Variants in PIGN observed in about 807,000 individuals in gnomAD.
PIGN encodes the protein phosphatidylinositol glycan anchor biosynthesis class N.
In PIGN, 117 loss-of-function variants were observed where a neutral mutation model predicts 125.4. The observed-to-expected ratio is 0.93, with a 90% CI of 0.80 to 1.09. The LOEUF is 1.09. PIGN is among the 50% of genes least tolerant of loss of function. The pLI is 0.00. For missense variants in PIGN, 1,075 were observed against 1,094.9 expected, an observed-to-expected ratio of 0.98 and a Z score of 0.26; for synonymous variants, 392 against 377.8, an observed-to-expected ratio of 1.04 and a Z score of -0.44.
chr18:62,091,548 A>G (rs73452746), intron 23 of PIGN, among the ~76,000 whole-genome samples: 1,556 of 152,338 alleles, frequency 0.01, 22 homozygotes, highest in East Asian at 0.053. Flanking sequence ...CATTATAAAG[A>G]TATCTGTTGT....
At chr18:62,055,957 G>C (rs913659948) in intron 30 of PIGN, among the ~76,000 whole-genome samples, 2 of 147,894 alleles carry the variant, frequency 1.4e-5, no homozygotes, top group Non-Finnish European at 3.0e-5. Context: ...TTTATAATTA[G>C]AAGAAATGAT....
chr18:62,184,541 T>A (rs2037829293), intron 1 of PIGN: 1 of 152,190 alleles, frequency 6.6e-6, no homozygotes, highest in Non-Finnish European at 1.5e-5. Context: ...GGGCAGTTGA[T>A]TTCTAATGGG....
chr18:62,081,601 T>G (rs2033451788), intron 28 of PIGN, among the ~76,000 whole-genome samples: 2 of 152,114 alleles, frequency 1.3e-5, no homozygotes, highest in Admixed American at 1.3e-4. Flanking sequence ...ACACATACAT[T>G]TTGATGAGCC....
intron 23 of PIGN, among the ~76,000 whole-genome samples, chr18:62,024,347 C>G (rs4940543): frequency 0.44 from 66,769 of 151,922 alleles, 16,501 homozygotes; most frequent in African/African-American, 0.67. Context: ...GAAAGAGACA[C>G]GGTGCACAGT....
At chr18:62,137,559 C>T (rs1045156594) in intron 14 of PIGN, 1 of 154,376 alleles carries the variant, frequency 6.5e-6, no homozygotes, top group African/African-American at 2.4e-5. Flanking sequence ...GCCTCAGCCA[C>T]CCGAGTAGCT....
At chr18:62,112,089 CCT>C (rs910539763) in intron 16 of PIGN, among the ~76,000 whole-genome samples, 3 of 152,112 alleles carry the variant, frequency 2.0e-5, no homozygotes, top group African/African-American at 7.2e-5. Flanking sequence ...GCTTCAGCTT[CCT>C]TTTTTGCAAA....
chr18:62,135,954 T>G (rs1490004262), intron 14 of PIGN: 1 of 152,192 alleles, frequency 6.6e-6, no homozygotes, highest in Non-Finnish European at 1.5e-5. Flanking sequence ...CCTTATTCAC[T>G]TCTTCATTTG....
intron 21 of PIGN, 108 bp downstream of exon 21, chr18:62,102,686 C>T (rs145732170): frequency 2.2e-5 from 12 of 548,024 alleles, no homozygotes; most frequent in Middle Eastern, 5.7e-4. Context: ...CTGGCAGATA[C>T]TAAGTAGCAT....
In PIGN at chr18:62,137,006, G is replaced by A. The variant is rs2035957391; in HGVS notation, c.1172+1237C>T. 1.5e-5 allele frequency: 6 copies of A among 398,218 alleles called. No homozygotes were observed. The East Asian group carries it at 1.8e-4, about 12-fold the overall frequency. The allele number at this position is 398,218 out of a possible 1,614,324, so 24.7% of individuals were successfully genotyped here. A position where few individuals can be genotyped will look rare whatever the true frequency, so the allele number is the denominator to read the frequency against. ...TGAAGGATGTAAAGTATTGTTCCTGGGTATGTCTGTGACATTGTTGCCAAA... is the reference window on the plus strand; with the variant it reads ...TGAAGGATGTAAAGTATTGTTCCTGAGTATGTCTGTGACATTGTTGCCAAA... On this transcript the variant is annotated intron_variant, in intron 14 of 30. Transcript: ENST00000640252.
At chr18:62,159,171 G>A (rs1366155751) in intron 4 of PIGN, among the ~76,000 whole-genome samples, 1 of 152,172 alleles carries the variant, frequency 6.6e-6, no homozygotes, top group Non-Finnish European at 1.5e-5. Context: ...TTGAACCTGG[G>A]AGGCAGATGT....
intron 29 of PIGN, 62 bp downstream of exon 29, chr18:62,074,717 C>G: frequency 3.8e-6 from 4 of 1,065,870 alleles, no homozygotes; most frequent in Non-Finnish European, 5.6e-6. Context: ...TCATATTTCT[C>G]TTTATTAAAT....
At chr18:62,156,319 T>C (rs892801816) in intron 6 of PIGN, among the ~76,000 whole-genome samples, 2 of 152,166 alleles carry the variant, frequency 1.3e-5, no homozygotes, top group Non-Finnish European at 2.9e-5. Context: ...ATTATAACTA[T>C]ATATTTTAAC....
chr18:62,094,061 T>C (rs1163071089), intron 23 of PIGN, among the ~76,000 whole-genome samples: 1 of 152,122 alleles, frequency 6.6e-6, no homozygotes, highest in East Asian at 1.9e-4. Flanking sequence ...TTAAAATAAG[T>C]TATGATTATG....
At chr18:62,072,799 A>C (rs1035838724) in intron 29 of PIGN, 74 bp from the exon 30 acceptor site, 66 of 1,126,780 alleles carry the variant, frequency 5.9e-5, no homozygotes, top group Non-Finnish European at 8.0e-5. Context: ...CTATTTTAGG[A>C]CTGTATGTTT....
In PIGN at chr18:62,067,298, T is replaced by C. The variant is rs571059965; in HGVS notation, c.2672+5375A>G. 5.3e-5 allele frequency among the ~76,000 whole-genome samples: 8 copies of C among 152,366 alleles called. 1 individual carries two copies. In the South Asian group the frequency reaches 1.2e-3, roughly 24 times the overall value. ...ACTAGGCTCCACTCATTTCAACTTT[T>C]AGTTTTTCTATTTTTCCTTATGAAT... On this transcript the variant is annotated intron_variant, in intron 30 of 30. Coordinates refer to ENST00000640252, the MANE Select transcript of PIGN (RefSeq NM_176787.5).
At chr18:62,083,348 T>C (rs993351921) in intron 27 of PIGN, among the ~76,000 whole-genome samples, 1 of 152,270 alleles carries the variant, frequency 6.6e-6, no homozygotes, top group South Asian at 2.1e-4. Flanking sequence ...ATACTGTTAA[T>C]ATCTTGAGGT....
At position 62,156,282 on chromosome 18, in the gene PIGN, T is replaced by C. The variant is rs563055114; in HGVS notation, c.442+847A>G. ...CATATATATCAAATGCCAGAATATATGGCATCTTCGATGTATTAAAACAGG... is the reference window on the plus strand; with the variant it reads ...CATATATATCAAATGCCAGAATATACGGCATCTTCGATGTATTAAAACAGG... On this transcript the variant is annotated intron_variant, in intron 6 of 30. Transcript: ENST00000640252. 3.3e-5 allele frequency among the ~76,000 whole-genome samples: 5 copies of C among 152,362 alleles called. No individual in the cohort carries two copies. In the South Asian group the frequency reaches 8.3e-4, roughly 25 times the overall value.
At chr18:62,082,533 G>T in intron 28 of PIGN, 140 bp downstream of exon 28, 1 of 496,924 alleles carries the variant, frequency 2.0e-6, no homozygotes, top group Non-Finnish European at 3.6e-6. Flanking sequence ...CTGACTAAAC[G>T]GGTGAAAATT....
chr18:62,179,477 C>T (rs901934516), intron 1 of PIGN, among the ~76,000 whole-genome samples: 1 of 152,156 alleles, frequency 6.6e-6, no homozygotes, highest in Non-Finnish European at 1.5e-5. Context: ...GGCCTGATGG[C>T]TCACACCTGT....
Sources: gnomAD v4.1 joint callset for allele counts (sites outside exome capture counted in the v4.1 genomes callset) on GRCh38, gnomAD v4.1.1 for gene constraint, MANE v1.5 for transcripts, NCBI Gene and HGNC (gene_info 2026-07-23, HGNC 2026-07-21) for gene names.